The following SVIL variants were observed in gnomAD, a reference collection of about 807,000 sequenced individuals.
SVIL encodes the protein supervillin.
SVIL carries 101 observed loss-of-function variants against 240.4 expected under a neutral mutation model. The observed-to-expected ratio is 0.42, with a 90% CI of 0.36 to 0.50. The LOEUF is 0.50. Among genes scored for constraint, SVIL ranks in the 20% least tolerant of loss-of-function variants. The probability of loss-of-function intolerance (pLI) is 0.01; values close to 1 mark genes in which losing one functional copy is unlikely to be tolerated. For missense variants in SVIL, 2,512 were observed against 2,818.7 expected (o/e 0.89, Z 2.46); for synonymous variants, 999 against 1,100.0 (o/e 0.91, Z 1.82).
At position 29,523,907 on chromosome 10, in the gene SVIL, T is replaced by G. The variant is rs1189043654; in HGVS notation, c.2707A>C (p.Asn903His). The G allele has an allele frequency of 1.2e-6, 2 of 1,614,158 alleles. No homozygotes were observed. Among genetic ancestry groups the G allele is most frequent in the Admixed American group, 1.7e-5 (1 of 60,022 alleles). Reference sequence around the variant, plus strand: ...AACTTATAGTCAGTGGCACTTGCATTGTGGTCAAGAGGTGGCTTTGTGCGA... The same window carrying G: ...AACTTATAGTCAGTGGCACTTGCATGGTGGTCAAGAGGTGGCTTTGTGCGA... ...DLRTKPPLDH[N>H]ASATDYKFSS... Residue 903 changes from asparagine (N) to histidine (H), a missense_variant, in exon 15 of 38, where the codon AAT (asparagine) becomes CAT (histidine). By Grantham distance (68) the Asn-to-His change is moderately conservative (BLOSUM62 1). Coordinates refer to ENST00000355867, the MANE Select transcript of SVIL (RefSeq NM_021738.3).
At chr10:29,675,563 C>T (rs995681041) in intron 2 of SVIL, among the ~76,000 whole-genome samples, 14 of 152,164 alleles carry the variant, frequency 9.2e-5, no homozygotes, top group Non-Finnish European at 1.9e-4. Context: ...CACAGACCCC[C>T]AGAACCTCAC....
chr10:29,463,424 C>T, intron 35 of SVIL, 68 bp downstream of exon 35: 1 of 1,538,116 alleles, frequency 6.5e-7, no homozygotes, highest in South Asian at 1.2e-5. Flanking sequence ...AGGGGGTCTC[C>T]TGGCTGCGCA....
At chr10:29,497,907 C>G (rs1948571587) in intron 18 of SVIL, among the ~76,000 whole-genome samples, 1 of 148,812 alleles carries the variant, frequency 6.7e-6, no homozygotes. Flanking sequence ...CATGGCAAAA[C>G]CCCGTCTCTA....
Position 29,533,098 on chromosome 10 carries a change from G to C in SVIL, c.1269C>G (p.Cys423Trp). Residue 423 changes from cysteine to tryptophan, a missense_variant, in exon 8 of 38, where the codon TGC becomes TGG. By Grantham distance (215) the Cys-to-Trp change is radical (BLOSUM62 -2). Coordinates refer to ENST00000355867, the MANE Select transcript of SVIL (RefSeq NM_021738.3). ...CTTCTTCTTCTTCTGCTTTTGACTC[G>C]CAGACATGGAGAACTGGGCTATCCC... is the stretch of plus-strand genomic sequence containing the variant. ...DGRDSPVLHV[C>W]ESKAEEEEGE... 6.2e-7 allele frequency: 1 copy of C among 1,613,598 alleles called. No individual in the cohort carries two copies. Among genetic ancestry groups the C allele is most frequent in the Non-Finnish European group, 8.5e-7 (1 of 1,179,880 alleles).
At chr10:29,584,810 G>A (rs1166183534) in intron 1 of SVIL, among the ~76,000 whole-genome samples, 1 of 152,210 alleles carries the variant, frequency 6.6e-6, no homozygotes, top group Non-Finnish European at 1.5e-5. Flanking sequence ...AGCCATCCCT[G>A]TAGCCCAAGT....
chr10:29,459,174 A>G (rs1008449917), intron 36 of SVIL, among the ~76,000 whole-genome samples: 11 of 152,080 alleles, frequency 7.2e-5, no homozygotes, highest in Non-Finnish European at 1.5e-4. Context: ...CAGTGGCTCA[A>G]TCATAGCTCT....
At chr10:29,727,826 GGTGCACTGCAAACA>G (rs1964383594) in intron 1 of SVIL, among the ~76,000 whole-genome samples, 1 of 151,980 alleles carries the variant, frequency 6.6e-6, no homozygotes, top group African/African-American at 2.4e-5. Flanking sequence ...GAGGGCTCTG[GGTGCACTGCAAACA>G]GTGCTAGACC....
intron 1 of SVIL, among the ~76,000 whole-genome samples, chr10:29,719,061 T>C (rs1193773095): frequency 1.3e-5 from 2 of 152,142 alleles, no homozygotes; most frequent in African/African-American, 2.4e-5. Context: ...TGAGCTGAGA[T>C]CGTGCCACTG....
intron 2 of SVIL, among the ~76,000 whole-genome samples, chr10:29,564,274 A>G (rs571115632): frequency 2.6e-5 from 4 of 152,068 alleles, no homozygotes; most frequent in Admixed American, 6.5e-5. Flanking sequence ...TTGCCCAAAG[A>G]CTCGTATTTG....
At chr10:29,471,309 A>C in intron 30 of SVIL, 66 bp from the exon 31 acceptor site, 10 of 1,221,820 alleles carry the variant, frequency 8.2e-6, no homozygotes, top group African/African-American at 1.5e-5. Context: ...AAAACAATAC[A>C]TGCCTCTTGC....
At position 29,692,639 on chromosome 10, in the gene SVIL, T is replaced by C. The variant is rs535461247; in HGVS notation, c.-399-5988A>G. Reference sequence around the variant, plus strand: ...ACATATAAATGCTTATTTATATGTATATATGATATATATATAAAAATATAT... The same window carrying C: ...ACATATAAATGCTTATTTATATGTACATATGATATATATATAAAAATATAT... On this transcript the variant is annotated intron_variant, in intron 1 of 35. Coordinates refer to the SVIL transcript ENST00000375400. 2.0e-5 allele frequency among the ~76,000 whole-genome samples: 3 copies of C among 149,496 alleles called. No homozygotes were observed. The East Asian group carries it at 5.8e-4, about 29-fold the overall frequency.
rs780932417 is a variant in SVIL, at chr10:29,643,979, G to A, written c.-201+13990C>T. On this transcript the variant is annotated intron_variant, in intron 3 of 35. Coordinates refer to the SVIL transcript ENST00000375400. ...AGACCCAGCCTCTCACACGGCTGGA[G>A]CAACATCGCGTTCCTGGACACCAGG... The A allele has an allele frequency of 2.3e-5, 12 of 518,346 alleles. No homozygotes were observed. In the East Asian group the frequency reaches 6.5e-4, roughly 28 times the overall value. 32.1% of individuals were successfully genotyped at this position (518,346 alleles called of 1,614,324 possible).
At chr10:29,535,504 T>G (rs1008615759) in intron 7 of SVIL, among the ~76,000 whole-genome samples, 2 of 152,234 alleles carry the variant, frequency 1.3e-5, no homozygotes, top group Non-Finnish European at 2.9e-5. Flanking sequence ...GGGTTTTGTT[T>G]GCTTTTAAAA....
rs771991389 is a variant in SVIL at position 29,488,689 on chromosome 10, G to A, written c.4260C>T (p.Asn1420=). The A allele has an allele frequency of 1.3e-5, 21 of 1,612,830 alleles. No individual in the cohort carries two copies. The highest frequency in any genetic ancestry group is 1.6e-4 in the Middle Eastern group (1 of 6,080). Residue 1420 remains asparagine (N), a synonymous_variant, in exon 23 of 38, where the codon AAC becomes AAT. Coordinates refer to ENST00000355867, the MANE Select transcript of SVIL (RefSeq NM_021738.3). ...AGLASKENFS[N]VSLRSVNLTE... ...TCAGGTTGACGCTCCGCAGGCTGAC[G>A]TTGCTGAAGTTTTCTTTACTGGCTA...
chr10:29,536,120 T>A, intron 6 of SVIL, 51 bp from the exon 7 acceptor site: 2 of 1,537,546 alleles, frequency 1.3e-6, no homozygotes, highest in Non-Finnish European at 1.8e-6. Context: ...AACGTCAACA[T>A]ATACACAGAC....
At chr10:29,496,521 G>A (rs1469220550) in intron 18 of SVIL, 4 of 426,082 alleles carry the variant, frequency 9.4e-6, no homozygotes, top group Non-Finnish European at 1.4e-5. Flanking sequence ...AAATCCATCC[G>A]TGTCCTGGCC....
Position 29,533,310 on chromosome 10 carries a change from G to A in SVIL, c.1057C>T (p.Pro353Ser). The A allele has an allele frequency of 6.2e-7, 1 of 1,613,994 alleles. No homozygotes were observed. Among genetic ancestry groups the A allele is most frequent in the South Asian group, 1.1e-5 (1 of 91,062 alleles). ...CGTGTAGAGCCTGCTGCCTTGCTGG[G>A]GACCCTATCAAAGGCTGAGTGCTCA... ...QSEHSAFDRV[P>S]SKAAGSTRQP... Residue 353 changes from proline (P) to serine (S), a missense_variant, in exon 8 of 38, where the codon CCC (proline) becomes TCC (serine). By Grantham distance (74) the Pro-to-Ser change is moderately conservative. Around this residue, in one of 3 missense-constraint regions of SVIL, gnomAD observed 1,443 missense variants for 1,486.6 expected, o/e 0.97. Transcript: ENST00000355867.
At chr10:29,555,881 T>C (rs1953881278) in intron 3 of SVIL, among the ~76,000 whole-genome samples, 2 of 152,212 alleles carry the variant, frequency 1.3e-5, no homozygotes, top group Admixed American at 6.5e-5. Context: ...GCTGTAACTA[T>C]CTGATTGTGT....
chr10:29,489,515 A>G (rs1326847015), intron 22 of SVIL, among the ~76,000 whole-genome samples: 1 of 152,184 alleles, frequency 6.6e-6, no homozygotes, highest in Non-Finnish European at 1.5e-5. Flanking sequence ...CCACTTGTCA[A>G]TTCATTATGG....
Sources: allele counts gnomAD v4.1 joint callset (sites outside exome capture counted in the v4.1 genomes callset), GRCh38; gene constraint gnomAD v4.1.1; regional missense constraint gnomAD v4.1.1; transcripts MANE v1.5; gene names NCBI Gene and HGNC (gene_info 2026-07-23, HGNC 2026-07-21).